The following BRAF variants were observed in gnomAD, a reference collection of about 807,000 sequenced individuals.
The protein encoded by BRAF is B-Raf proto-oncogene, serine/threonine kinase.
Under a neutral mutation model 104.6 loss-of-function variants are expected in BRAF, and 16 were observed. The observed-to-expected ratio is 0.15, with a 90% CI of 0.10 to 0.23. The LOEUF (loss-of-function observed/expected upper bound fraction) is 0.23, where lower values mean the gene tolerates loss of function less well. Ranked by LOEUF, BRAF falls within the 10% of genes least tolerant of loss-of-function variation. The pLI is 1.00. For synonymous variants in BRAF, 310 were observed against 341.6 expected (o/e 0.91, Z 1.02); for missense variants, 541 against 937.3 (o/e 0.58, Z 5.52).
intron 3 of BRAF, among the ~76,000 whole-genome samples, chr7:140,822,769 T>C (rs1490630803): frequency 6.6e-6 from 1 of 152,202 alleles, no homozygotes; most frequent in Non-Finnish European, 1.5e-5. Context: ...TATGCTCCCT[T>C]TTCTCTTGGG....
chr7:140,921,674 G>C (rs1322179138), intron 1 of BRAF, among the ~76,000 whole-genome samples: 1 of 151,814 alleles, frequency 6.6e-6, no homozygotes, highest in African/African-American at 2.4e-5. Flanking sequence ...TAATATCTTA[G>C]TGGCAAAATT....
intron 2 of BRAF, among the ~76,000 whole-genome samples, chr7:140,846,218 T>C (rs1375840292): frequency 1.3e-5 from 2 of 152,142 alleles, no homozygotes; most frequent in East Asian, 1.9e-4. Flanking sequence ...CACAGCATTA[T>C]TGATAATAGC....
intron 9 of BRAF, 95 bp downstream of exon 9, chr7:140,787,453 G>T: frequency 7.5e-7 from 1 of 1,334,354 alleles, no homozygotes; most frequent in Non-Finnish European, 1.1e-6. Context: ...TTTTCTCTGT[G>T]TCTGTTACTT....
At chr7:140,862,791 T>G (rs1168667878) in intron 1 of BRAF, among the ~76,000 whole-genome samples, 8 of 152,142 alleles carry the variant, frequency 5.3e-5, no homozygotes, top group Non-Finnish European at 1.0e-4. Context: ...TATTCTACAA[T>G]GTACTGCGGT....
intron 14 of BRAF, among the ~76,000 whole-genome samples, chr7:140,769,269 T>G (rs944560388): frequency 3.3e-5 from 5 of 151,908 alleles, no homozygotes; most frequent in Non-Finnish European, 4.4e-5. Flanking sequence ...GTAGATATGG[T>G]GTTTCACCAT....
intron 14 of BRAF, among the ~76,000 whole-genome samples, chr7:140,771,155 A>C (rs1475861731): frequency 6.6e-6 from 1 of 152,152 alleles, no homozygotes; most frequent in Non-Finnish European, 1.5e-5. Flanking sequence ...AATCCAATAA[A>C]GGTGACACAT....
intron 1 of BRAF, among the ~76,000 whole-genome samples, chr7:140,914,814 C>T (rs1817400299): frequency 1.3e-5 from 2 of 151,598 alleles, no homozygotes; most frequent in African/African-American, 2.4e-5. Flanking sequence ...CTGAGGCGGA[C>T]GGATCATGAG....
At chr7:140,792,989 ATCT>A (rs1802133808) in intron 8 of BRAF, among the ~76,000 whole-genome samples, 1 of 152,250 alleles carries the variant, frequency 6.6e-6, no homozygotes, top group Admixed American at 6.5e-5. Context: ...ATGGCAGAAA[ATCT>A]ATTTAGGAGA....
intron 2 of BRAF, among the ~76,000 whole-genome samples, chr7:140,838,072 AC>A (rs1807535957): frequency 6.6e-6 from 1 of 152,038 alleles, no homozygotes; most frequent in Admixed American, 6.6e-5. Context: ...AACCACCACC[AC>A]CATTTCTTTT....
At chr7:140,799,858 C>T (rs1429230824) in intron 7 of BRAF, 2 of 289,980 alleles carry the variant, frequency 6.9e-6, no homozygotes, top group African/African-American at 2.2e-5. Context: ...AAGTCATATA[C>T]TTCTATACCT....
chr7:140,719,671 G>A lies in BRAF; in HGVS notation c.*6823C>T. The A allele has an allele frequency of 9.4e-7, 1 of 1,060,914 alleles. No homozygotes were observed. Among genetic ancestry groups the A allele is most frequent in the Non-Finnish European group, 1.1e-6 (1 of 875,686 alleles). 65.7% of individuals were successfully genotyped at this position (1,060,914 alleles called of 1,614,324 possible). ...AACATTGAGAATAGGGGAAAAGAGG[G>A]AGACATCATCCATTTGACTGAAAAT... On this transcript the variant is annotated 3_prime_UTR_variant, in exon 20 of 20. Coordinates refer to ENST00000644969, the MANE Select transcript of BRAF (RefSeq NM_001374258.1).
At chr7:140,865,217 T>A (rs1810828236) in intron 1 of BRAF, among the ~76,000 whole-genome samples, 1 of 151,964 alleles carries the variant, frequency 6.6e-6, no homozygotes, top group Admixed American at 6.6e-5. Flanking sequence ...GTAGCTGAGA[T>A]TACAGGCACA....
At chr7:140,829,343 A>ATTTTTTTTTTTTTTTTTTTT (rs558419776) in intron 3 of BRAF, among the ~76,000 whole-genome samples, 1 of 134,854 alleles carries the variant, frequency 7.4e-6, no homozygotes. Flanking sequence ...AAAGATTTAC[A>ATTTTTTTTTTTTTTTTTTTT]TTTTTTTTTT....
chr7:140,746,091 C>T (rs1156943071), intron 17 of BRAF, among the ~76,000 whole-genome samples: 2 of 152,116 alleles, frequency 1.3e-5, no homozygotes, highest in Admixed American at 1.3e-4. Flanking sequence ...ATCTTCCTCA[C>T]AGAGAAAAGC....
At chr7:140,821,264 G>A (rs112372693) in intron 3 of BRAF, among the ~76,000 whole-genome samples, 12,072 of 149,418 alleles carry the variant, frequency 0.081, 1,591 homozygotes, top group African/African-American at 0.28. Flanking sequence ...GATTACAGGC[G>A]CAAGCCACTA....
At chr7:140,870,341 A>C (rs1366541519) in intron 1 of BRAF, among the ~76,000 whole-genome samples, 4 of 152,238 alleles carry the variant, frequency 2.6e-5, no homozygotes, top group Non-Finnish European at 5.9e-5. Flanking sequence ...TTTAGATAAG[A>C]CTTCTAAAAG....
chr7:140,847,742 T>C (rs1040262284), intron 2 of BRAF, among the ~76,000 whole-genome samples: 22 of 152,340 alleles, frequency 1.4e-4, no homozygotes, highest in African/African-American at 4.8e-4. Context: ...TGTGATATTA[T>C]TTCCACTTTA....
chr7:140,863,433 C>T (rs982990341), intron 1 of BRAF, among the ~76,000 whole-genome samples: 7 of 152,114 alleles, frequency 4.6e-5, no homozygotes, highest in Non-Finnish European at 8.8e-5. Flanking sequence ...CTGAAAGCCA[C>T]GGTAAGTAGA....
At position 140,739,800 on chromosome 7, in the gene BRAF, G is replaced by A. The variant is rs1191686533; in HGVS notation, c.2247+12C>T. On this transcript the variant is annotated intron_variant, in intron 18 of 19. Coordinates refer to ENST00000644969, the MANE Select transcript of BRAF (RefSeq NM_001374258.1). ...AGTCTGTTCTTTTGGATAGCATGAA[G>A]CTTTTACTTACTTGGGGAAAGAGTG... 1 of 1,611,704 alleles carries A rather than the reference G, an allele frequency of 6.2e-7. No individual in the cohort carries two copies. Among genetic ancestry groups the A allele is most frequent in the Non-Finnish European group, 8.5e-7 (1 of 1,179,890 alleles).
Sources: allele counts gnomAD v4.1 joint callset (sites outside exome capture counted in the v4.1 genomes callset), GRCh38; gene constraint gnomAD v4.1.1; transcripts MANE v1.5; gene names NCBI Gene and HGNC (gene_info 2026-07-23, HGNC 2026-07-21).